NXPE2: variants seen among roughly 807,000 people sequenced by gnomAD.
NXPE2 encodes NXPE family member 2.
Under a neutral mutation model 34.4 loss-of-function variants are expected in NXPE2, and 34 were observed. The ratio of observed to expected loss-of-function variants is 0.99; its 90% confidence interval spans 0.75 to 1.31. NXPE2 has a LOEUF of 1.31. NXPE2 is among the 40% of genes most tolerant of loss of function. NXPE2 has a pLI of 0.00. For missense variants in NXPE2, 649 were observed against 672.5 expected (o/e 0.97, Z 0.39); for synonymous variants, 235 against 231.3 (o/e 1.02, Z -0.15).
intron 2 of NXPE2, among the ~76,000 whole-genome samples, chr11:114,681,686 A>G (rs959615974): frequency 2.6e-5 from 4 of 152,118 alleles, no homozygotes; most frequent in Non-Finnish European, 4.4e-5. Flanking sequence ...TATTACTGAT[A>G]ACAGGCATTA....
upstream of NXPE2, among the ~76,000 whole-genome samples, chr11:114,676,985 A>G (rs1460711826): frequency 6.6e-6 from 1 of 152,088 alleles, no homozygotes; most frequent in Non-Finnish European, 1.5e-5. Flanking sequence ...CCTGGAGGAC[A>G]TTATGCTGGG....
the NXPE2 span, among the ~76,000 whole-genome samples, chr11:114,777,633 C>G: frequency 6.6e-6 from 1 of 152,134 alleles, no homozygotes; most frequent in Non-Finnish European, 1.5e-5. Flanking sequence ...ATCAGTTTTC[C>G]TCCAACTATT....
the NXPE2 span, among the ~76,000 whole-genome samples, chr11:114,813,691 C>G: frequency 6.6e-6 from 1 of 152,186 alleles, no homozygotes; most frequent in Admixed American, 6.5e-5. Flanking sequence ...GAATAAAACA[C>G]ATTTTAAAGT....
the NXPE2 span, among the ~76,000 whole-genome samples, chr11:114,799,686 C>T: frequency 2.9e-3 from 447 of 152,284 alleles, 2 homozygotes; most frequent in African/African-American, 0.01. Flanking sequence ...AGGCTGCACC[C>T]GTTTAAACAG....
chr11:114,604,646 A>T, the NXPE2 span, among the ~76,000 whole-genome samples: 119 of 152,092 alleles, frequency 7.8e-4, no homozygotes, highest in Non-Finnish European at 1.1e-3. Context: ...AACCGCTGTT[A>T]CCCGGTGGAT....
At chr11:114,472,312 C>G in the NXPE2 span, among the ~76,000 whole-genome samples, 1 of 152,244 alleles carries the variant, frequency 6.6e-6, no homozygotes, top group African/African-American at 2.4e-5. Flanking sequence ...AATCTTTTGG[C>G]TTCTCTGGGC....
At chr11:114,680,105 C>T (rs149138882) in intron 2 of NXPE2, among the ~76,000 whole-genome samples, 13 of 152,274 alleles carry the variant, frequency 8.5e-5, no homozygotes, top group African/African-American at 2.9e-4. Context: ...TTTCAGTCCT[C>T]TGCCTTCTTC....
At chr11:114,798,956 C>A in the NXPE2 span, among the ~76,000 whole-genome samples, 2 of 152,188 alleles carry the variant, frequency 1.3e-5, no homozygotes, top group Non-Finnish European at 2.9e-5. Flanking sequence ...TCCACACTGT[C>A]GTATAGCAGG....
At chr11:114,485,381 G>GTGT in the NXPE2 span, among the ~76,000 whole-genome samples, 1 of 72,470 alleles carries the variant, frequency 1.4e-5, no homozygotes, top group African/African-American at 6.4e-5. Flanking sequence ...GCTAATTTTT[G>GTGT]TCTTTTTTTT....
At chr11:114,522,231 T>C in the NXPE2 span, 6 of 1,614,028 alleles carry the variant, frequency 3.7e-6, no homozygotes, top group Admixed American at 3.3e-5. Context: ...AGTCTTTCAA[T>C]AGCCTTTTGA....
chr11:114,605,795 C>T, the NXPE2 span, among the ~76,000 whole-genome samples: 1 of 151,620 alleles, frequency 6.6e-6, no homozygotes, highest in South Asian at 2.1e-4. Flanking sequence ...ATAAGTATTG[C>T]CTCTAGGGTT....
At chr11:114,542,092 A>T in the NXPE2 span, among the ~76,000 whole-genome samples, 1 of 152,186 alleles carries the variant, frequency 6.6e-6, no homozygotes, top group South Asian at 2.1e-4. Context: ...TGCTAGGGTC[A>T]TTCACATTTA....
At chr11:114,683,477 G>A (rs1322454364) in intron 2 of NXPE2, among the ~76,000 whole-genome samples, 2 of 147,754 alleles carry the variant, frequency 1.4e-5, no homozygotes, top group Non-Finnish European at 3.0e-5. Context: ...CTGAAGTGCA[G>A]TGGCACGACC....
the NXPE2 span, among the ~76,000 whole-genome samples, chr11:114,662,439 C>CA: frequency 6.6e-6 from 1 of 152,196 alleles, no homozygotes; most frequent in Non-Finnish European, 1.5e-5. Context: ...CTATAGGACT[C>CA]TAACTAAACT....
the NXPE2 span, chr11:114,518,473 A>T: frequency 6.6e-6 from 1 of 152,226 alleles, no homozygotes; most frequent in Non-Finnish European, 1.5e-5. Context: ...ACAAAAAGGG[A>T]ATGTTTTTAC....
the NXPE2 span, among the ~76,000 whole-genome samples, chr11:114,765,583 C>G: frequency 0.49 from 74,825 of 151,948 alleles, 19,243 homozygotes; most frequent in South Asian, 0.6. Flanking sequence ...GGAACAAAAT[C>G]CACAATATCT....
At chr11:114,700,231 G>T (rs1951340046) in intron 3 of NXPE2, among the ~76,000 whole-genome samples, 1 of 152,130 alleles carries the variant, frequency 6.6e-6, no homozygotes, top group Non-Finnish European at 1.5e-5. Context: ...CTCCGTAAAA[G>T]CTTTAAGATG....
At chr11:114,486,645 T>A in the NXPE2 span, among the ~76,000 whole-genome samples, 8 of 152,308 alleles carry the variant, frequency 5.3e-5, no homozygotes, top group South Asian at 1.7e-3. Flanking sequence ...TAGATTTAAA[T>A]GTTTAATCCA....
chr11:114,639,831 T>TATTAAATATAAAATATAATA, the NXPE2 span, among the ~76,000 whole-genome samples: 1 of 107,986 alleles, frequency 9.3e-6, no homozygotes, highest in Non-Finnish European at 1.7e-5. Flanking sequence ...ATAATATATA[T>TATTAAATATAAAATATAATA]TATATTAAAT....
Sources: gnomAD v4.1 joint callset for allele counts (sites outside exome capture counted in the v4.1 genomes callset) on GRCh38, gnomAD v4.1.1 for gene constraint, MANE v1.5 for transcripts, NCBI Gene and HGNC (gene_info 2026-07-23, HGNC 2026-07-21) for gene names.